Variants in CEP152 observed in about 807,000 individuals in gnomAD.
The protein encoded by CEP152 is centrosomal protein of 152 kDa.
In CEP152, 132 loss-of-function variants were observed where a neutral mutation model predicts 188.9. The ratio of observed to expected loss-of-function variants is 0.70; its 90% confidence interval spans 0.61 to 0.81. The LOEUF is 0.81. Ranked by LOEUF, CEP152 falls within the 30% of genes least tolerant of loss-of-function variation. CEP152 has a pLI of 0.00. For synonymous variants in CEP152, 649 were observed against 666.6 expected (o/e 0.97, Z 0.41); for missense variants, 1,914 against 1,969.8 (o/e 0.97, Z 0.54).
chr15:48,799,067 C>T (rs779377703), intron 2 of CEP152, among the ~76,000 whole-genome samples: 6 of 152,090 alleles, frequency 3.9e-5, no homozygotes, highest in Non-Finnish European at 7.4e-5. Context: ...TAATTGACAG[C>T]TTGATTAAAT....
Position 48,797,651 on chromosome 15 carries a change from A to G in CEP152, c.261+10T>C, listed in dbSNP as rs776389403. 2 of 1,614,160 alleles carry G rather than the reference A, an allele frequency of 1.2e-6. No individual in the cohort carries two copies. Among genetic ancestry groups the G allele is most frequent in the Non-Finnish European group, 8.5e-7 (1 of 1,180,002 alleles). ...CCCTCACCAAAGTCATCATCACACCAGATACTTACATTTACACTTTGAGAT... is the reference window on the plus strand; with the variant it reads ...CCCTCACCAAAGTCATCATCACACCGGATACTTACATTTACACTTTGAGAT... On this transcript the variant is annotated intron_variant, in intron 4 of 26. Coordinates refer to ENST00000380950, the MANE Select transcript of CEP152 (RefSeq NM_001194998.2).
At chr15:48,729,612 A>G (rs1892355341) in intron 2 of CEP152, 1 of 152,184 alleles carries the variant, frequency 6.6e-6, no homozygotes, top group Non-Finnish European at 1.5e-5. Context: ...TAAATATGAC[A>G]ATTGTATTTA....
intron 18 of CEP152, among the ~76,000 whole-genome samples, chr15:48,762,097 C>G (rs1894727469): frequency 6.6e-6 from 1 of 152,184 alleles, no homozygotes; most frequent in Non-Finnish European, 1.5e-5. Flanking sequence ...AACTGTGATT[C>G]ATTCAGATGT....
At chr15:48,761,822 C>T (rs1894709658) in intron 18 of CEP152, among the ~76,000 whole-genome samples, 1 of 152,236 alleles carries the variant, frequency 6.6e-6, no homozygotes, top group East Asian at 1.9e-4. Flanking sequence ...CTGTACTTTT[C>T]TCAGTATGAC....
At chr15:48,755,865 T>C (rs1277459094) in intron 20 of CEP152, 38 bp downstream of exon 20, 4 of 1,611,664 alleles carry the variant, frequency 2.5e-6, no homozygotes, top group South Asian at 1.1e-5. Flanking sequence ...ATAATCATTC[T>C]TGGTGTTCAA....
At chr15:48,735,499 C>T (rs925392286), downstream of CEP152, among the ~76,000 whole-genome samples, 3 of 152,204 alleles carry the variant, frequency 2.0e-5, no homozygotes, top group Non-Finnish European at 1.5e-5. Flanking sequence ...CTTTGGGAGG[C>T]GGAGGTGGGC....
chr15:48,752,832 C>T (rs2140645825), intron 20 of CEP152, among the ~76,000 whole-genome samples: 1 of 152,280 alleles, frequency 6.6e-6, no homozygotes, highest in African/African-American at 2.4e-5. Context: ...AAATCTAGAA[C>T]ATTTTTACTA....
In CEP152 at chr15:48,762,486, T is replaced by C; in HGVS notation, c.2467A>G (p.Asn823Asp). The C allele has an allele frequency of 6.2e-7, 1 of 1,614,118 alleles. No individual in the cohort carries two copies. Among genetic ancestry groups the C allele is most frequent in the Non-Finnish European group, 8.5e-7 (1 of 1,179,992 alleles). The change falls in exon 18 of 27, where the codon AAC becomes GAC. Residue 823 changes from asparagine (N) to aspartate (D), a missense_variant. Asn to Asp is a conservative substitution (Grantham distance 23). Coordinates refer to ENST00000380950, the MANE Select transcript of CEP152 (RefSeq NM_001194998.2). ...GCTATGTCCTTCTCTTGTTCTAAGT[T>C]TTGCTGGATTGTGCACTTCTGCTCT... Reference protein sequence around the residue: ...IEEQKCTIQQNLEQEKDIAIK... With the variant: ...IEEQKCTIQQDLEQEKDIAIK...
intron 3 of CEP152, 55 bp downstream of exon 3, chr15:48,797,893 A>G: frequency 6.6e-7 from 1 of 1,521,080 alleles, no homozygotes. Flanking sequence ...CTTCATCAAA[A>G]GAAAAAGACT....
At chr15:48,787,163 GTTTTTT>G (rs747436177) in intron 9 of CEP152, among the ~76,000 whole-genome samples, 2 of 101,500 alleles carry the variant, frequency 2.0e-5, no homozygotes, top group Non-Finnish European at 3.7e-5. Flanking sequence ...TATAGCCTTC[GTTTTTT>G]TTTTTTTTTT....
intron 10 of CEP152, 58 bp downstream of exon 10, chr15:48,783,915 T>A (rs1890821630): frequency 6.3e-7 from 1 of 1,591,034 alleles, no homozygotes; most frequent in African/African-American, 1.3e-5. Context: ...TCCTACTACA[T>A]TCTTTCTGCA....
intron 8 of CEP152, among the ~76,000 whole-genome samples, chr15:48,790,597 G>A (rs546722610): frequency 6.6e-6 from 1 of 151,090 alleles, no homozygotes; most frequent in East Asian, 1.9e-4. Context: ...GACAAGTCTC[G>A]CTCTCGTCCC....
At chr15:48,731,227 TAAC>T (rs1263389234) in intron 2 of CEP152, among the ~76,000 whole-genome samples, 1 of 152,222 alleles carries the variant, frequency 6.6e-6, no homozygotes, top group Non-Finnish European at 1.5e-5. Context: ...TATGTATAGT[TAAC>T]AACACTGTAT....
chr15:48,786,500 A>T (rs1478820530), intron 9 of CEP152, among the ~76,000 whole-genome samples: 1 of 152,230 alleles, frequency 6.6e-6, no homozygotes, highest in African/African-American at 2.4e-5. Flanking sequence ...TTCTCAAAAT[A>T]TACTAATTAC....
In CEP152 at chr15:48,754,606, C is replaced by T. The variant is rs184809079; in HGVS notation, c.3345+1297G>A. ...AAATTTTACATTGAAGGCAACTACT[C>T]GGTAGCAACATCTTTGTGAGGTCAA... is the stretch of plus-strand genomic sequence containing the variant. On this transcript the variant is annotated intron_variant, in intron 20 of 26. Transcript: ENST00000380950. Among the ~76,000 whole-genome samples the T allele has an allele frequency of 2.2e-3, 335 of 152,196 alleles. 2 individuals carry two copies. Among genetic ancestry groups the T allele is most frequent in the Non-Finnish European group, 2.9e-3 (200 of 67,998 alleles).
chr15:48,781,373 T>G lies in CEP152; in HGVS notation c.1414-14A>C. ...TGTTAATTCTTCCTACAACACAAAA[T>G]TATTAAAAATAATTTTCACTATTTT... On this transcript the variant is annotated splice_polypyrimidine_tract_variant and intron_variant, in intron 11 of 26. Coordinates refer to ENST00000380950, the MANE Select transcript of CEP152 (RefSeq NM_001194998.2). 6.3e-7 allele frequency: 1 copy of G among 1,574,922 alleles called. No homozygotes were observed. The highest frequency in any genetic ancestry group is 2.2e-5 in the East Asian group (1 of 44,518).
At chr15:48,809,052 G>A (rs1458865551) in intron 1 of CEP152, among the ~76,000 whole-genome samples, 3 of 152,068 alleles carry the variant, frequency 2.0e-5, no homozygotes, top group Non-Finnish European at 2.9e-5. Context: ...TGTTGTCCCC[G>A]GTTGTTTTCT....
intron 6 of CEP152, 46 bp from the exon 7 acceptor site, chr15:48,793,507 A>G: frequency 2.6e-6 from 4 of 1,546,410 alleles, no homozygotes; most frequent in Non-Finnish European, 3.6e-6. Context: ...ACCAAAATAT[A>G]AATTTATAGT....
intron 2 of CEP152, chr15:48,729,787 A>C (rs1892360960): frequency 6.6e-6 from 1 of 152,158 alleles, no homozygotes; most frequent in Non-Finnish European, 1.5e-5. Flanking sequence ...AATATAAAAC[A>C]AATGTAGAAA....
Sources: allele counts gnomAD v4.1 joint callset (sites outside exome capture counted in the v4.1 genomes callset), GRCh38; gene constraint gnomAD v4.1.1; transcripts MANE v1.5; gene names NCBI Gene and HGNC (gene_info 2026-07-23, HGNC 2026-07-21).